SLCO1C1: variants seen among roughly 807,000 people sequenced by gnomAD.
SLCO1C1 encodes the protein OAT-RP-5.
SLCO1C1 carries 70 observed loss-of-function variants against 76.4 expected under a neutral mutation model. The ratio of observed to expected loss-of-function variants is 0.92; its 90% confidence interval spans 0.76 to 1.12. The LOEUF (loss-of-function observed/expected upper bound fraction) is 1.12. Ranked by LOEUF, SLCO1C1 falls within the 50% of genes most tolerant of loss-of-function variation. The pLI, the probability that SLCO1C1 is intolerant of heterozygous loss-of-function variation, is 0.00. For missense variants in SLCO1C1, 912 were observed against 823.8 expected (o/e 1.11, Z -1.31); for synonymous variants, 306 against 286.1 (o/e 1.07, Z -0.70).
intron 9 of SLCO1C1, among the ~76,000 whole-genome samples, chr12:20,727,092 T>C (rs896406281): frequency 1.3e-5 from 2 of 152,220 alleles, no homozygotes; most frequent in Non-Finnish European, 2.9e-5. Flanking sequence ...ACCACTTCTT[T>C]ATTCAATCCA....
Position 20,753,056 on chromosome 12 carries a change from T to C in SLCO1C1, c.*528T>C, listed in dbSNP as rs10444412. ...ATTTCATTTTAAGCTCCTCCTTTTC[T>C]TTGAAATACAATAATTTATATAGAA... On this transcript the variant is annotated 3_prime_UTR_variant, in exon 15 of 15. Coordinates refer to ENST00000266509, the MANE Select transcript of SLCO1C1 (RefSeq NM_017435.5). 0.45 allele frequency: 69,113 copies of C among 152,018 alleles called. 17,223 individuals are homozygous for C. Among genetic ancestry groups the C allele is most frequent in the East Asian group, 0.6 (3,084 of 5,154 alleles). The allele number at this position is 152,018 out of a possible 1,614,324, so 9.4% of individuals were successfully genotyped here.
intron 11 of SLCO1C1, among the ~76,000 whole-genome samples, chr12:20,738,424 T>G (rs1409076063): frequency 2.0e-5 from 3 of 152,152 alleles, no homozygotes; most frequent in Non-Finnish European, 2.9e-5. Flanking sequence ...TCTCATTTAT[T>G]TATATATCCT....
In SLCO1C1 at chr12:20,720,387, C is replaced by T. The variant is rs548753595; in HGVS notation, c.776-1417C>T. Among the ~76,000 whole-genome samples, 8 of 152,250 alleles carry T rather than the reference C, an allele frequency of 5.3e-5. No individual in the cohort carries two copies. The East Asian group carries it at 1.2e-3, about 22-fold the overall frequency. On this transcript the variant is annotated intron_variant, in intron 7 of 14. Transcript: ENST00000266509. ...GTCTTATTATTTAAGAAACGTATTTCACAAAGCTATAGCTATGATCAGTAG... is the reference window on the plus strand; with the variant it reads ...GTCTTATTATTTAAGAAACGTATTTTACAAAGCTATAGCTATGATCAGTAG...
intron 4 of SLCO1C1, among the ~76,000 whole-genome samples, chr12:20,708,240 T>C (rs1358281321): frequency 1.3e-5 from 2 of 152,178 alleles, no homozygotes; most frequent in Non-Finnish European, 2.9e-5. Context: ...TGAGGGCCTA[T>C]TCCTAATAGG....
chr12:20,701,418 C>A lies in SLCO1C1; in HGVS notation c.230C>A (p.Pro77His). ...ITQIERRFDI[P>H]SSLVGVIDGS... ...CAGATAGAGAGAAGGTTTGATATCC[C>A]TTCTTCACTGGTGGGAGTTATTGAT... Residue 77 changes from proline (P) to histidine (H), a missense_variant, in exon 3 of 15, where the codon CCT becomes CAT. Pro to His is a moderately conservative substitution (Grantham distance 77). Coordinates refer to ENST00000266509, the MANE Select transcript of SLCO1C1 (RefSeq NM_017435.5). 1 of 1,550,130 alleles carries A rather than the reference C, an allele frequency of 6.5e-7. No homozygotes were observed. Among genetic ancestry groups the A allele is most frequent in the South Asian group, 1.2e-5 (1 of 83,804 alleles).
At chr12:20,714,029 G>A (rs1947255789) in intron 5 of SLCO1C1, among the ~76,000 whole-genome samples, 1 of 152,174 alleles carries the variant, frequency 6.6e-6, no homozygotes. Flanking sequence ...GAAATCCAGA[G>A]AAGACAAGTG....
chr12:20,721,895 T>C lies in SLCO1C1; in HGVS notation c.867T>C (p.Ala289=). ...CAGGAATCATAAGTCTTCTTGCAGC[T>C]GTGCCTTTCTGGTATTTACCAAAGA... The part of the protein sequence containing the change: ...LIAGIISLLA[A]VPFWYLPKSL... The change falls in exon 8 of 15, where the codon GCT becomes GCC. Residue 289 remains alanine, a synonymous_variant. Transcript: ENST00000266509. The C allele has an allele frequency of 1.2e-6, 2 of 1,614,200 alleles. No individual in the cohort carries two copies. The highest frequency in any genetic ancestry group is 1.7e-6 in the Non-Finnish European group (2 of 1,180,022).
At chr12:20,739,983 T>C (rs562748009) in intron 11 of SLCO1C1, among the ~76,000 whole-genome samples, 1 of 152,300 alleles carries the variant, frequency 6.6e-6, no homozygotes, top group Admixed American at 6.5e-5. Flanking sequence ...AGTTTGTAGA[T>C]AGTCATCTGC....
chr12:20,745,188 A>G (rs1554151), intron 13 of SLCO1C1, among the ~76,000 whole-genome samples: 66,273 of 152,090 alleles, frequency 0.44, 17,178 homozygotes, highest in South Asian at 0.63. Flanking sequence ...GGATGGAAGT[A>G]AGACTTTGTA....
In SLCO1C1 at chr12:20,701,308, T is replaced by C. The variant is rs377554508; in HGVS notation, c.130-10T>C. On this transcript the variant is annotated splice_polypyrimidine_tract_variant and intron_variant, in intron 2 of 14. Transcript: ENST00000266509. ...GAGTCAGACTAAGTGTGACCTGTCA[T>C]ATTTTCCAGGTGTTCTTGTGTGCCT... The C allele has an allele frequency of 2.0e-6, 3 of 1,490,300 alleles. No homozygotes were observed. The African/African-American group carries it at 4.2e-5, about 21-fold the overall frequency. 92.3% of individuals were successfully genotyped at this position (1,490,300 alleles called of 1,614,324 possible). A position where few individuals can be genotyped will look rare whatever the true frequency, so the allele number is the denominator to read the frequency against.
chr12:20,713,208 T>G (rs1391657158), intron 5 of SLCO1C1, among the ~76,000 whole-genome samples: 3 of 150,944 alleles, frequency 2.0e-5, no homozygotes, highest in Non-Finnish European at 4.4e-5. Context: ...GCCTCCCGAG[T>G]AGCTGGGACT....
At chr12:20,709,302 A>G (rs1393199187) in intron 4 of SLCO1C1, among the ~76,000 whole-genome samples, 5 of 152,182 alleles carry the variant, frequency 3.3e-5, no homozygotes, top group Non-Finnish European at 5.9e-5. Flanking sequence ...CCTAAACGTT[A>G]ATTTTTTTAG....
chr12:20,712,944 T>C (rs981752779), intron 5 of SLCO1C1, among the ~76,000 whole-genome samples: 1 of 152,146 alleles, frequency 6.6e-6, no homozygotes, highest in Non-Finnish European at 1.5e-5. Flanking sequence ...TTCAAATCAA[T>C]GGACAAGAAC....
chr12:20,721,298 C>T (rs73242259), intron 7 of SLCO1C1, among the ~76,000 whole-genome samples: 4,171 of 152,216 alleles, frequency 0.027, 125 homozygotes, highest in African/African-American at 0.074. Context: ...TGGCAAGCTT[C>T]ATCATTTTCT....
At chr12:20,750,908 C>G in intron 14 of SLCO1C1, 116 bp downstream of exon 14, 2 of 1,592,394 alleles carry the variant, frequency 1.3e-6, no homozygotes, top group South Asian at 1.1e-5. Flanking sequence ...AAAGAATAGT[C>G]TAATCAAAAA....
At position 20,732,971 on chromosome 12, in the gene SLCO1C1, T is replaced by A. The variant is rs749344842; in HGVS notation, c.1249T>A (p.Phe417Ile). ...IFSGGIVMKK[F>I]RISVCGAAKL... ...CTCTGGGGGGATAGTTATGAAAAAA[T>A]TCAGAATCAGTGTGTGTGGAGCTGC... The change falls in exon 10 of 15, where the codon TTC (phenylalanine) becomes ATC (isoleucine). Residue 417 changes from phenylalanine (F) to isoleucine (I), a missense_variant. Phe to Ile is a conservative substitution (Grantham distance 21). Coordinates refer to ENST00000266509, the MANE Select transcript of SLCO1C1 (RefSeq NM_017435.5). 7.4e-6 allele frequency: 12 copies of A among 1,614,020 alleles called. No individual in the cohort carries two copies. The highest frequency in any genetic ancestry group is 1.7e-4 in the Middle Eastern group (1 of 6,060).
chr12:20,703,948 A>AGTGTGT (rs1454879675), intron 3 of SLCO1C1, among the ~76,000 whole-genome samples: 9 of 102,036 alleles, frequency 8.8e-5, no homozygotes, highest in African/African-American at 3.5e-4. Context: ...TGTTATCTCG[A>AGTGTGT]GTGTGTCTGT....
intron 9 of SLCO1C1, among the ~76,000 whole-genome samples, chr12:20,728,661 A>C (rs1483308817): frequency 6.6e-6 from 1 of 151,922 alleles, no homozygotes; most frequent in African/African-American, 2.4e-5. Flanking sequence ...AAGTTCTAAA[A>C]CATCTCCAAG....
In SLCO1C1 at chr12:20,710,223, T is replaced by TTTTTTTTTTTTTTTC. The variant is rs1555122286; in HGVS notation, c.405-1161_405-1160insTTTTTTTTTTTTCTT. Reference sequence around the variant, plus strand: ...TTCTTTTTTTTTTTTTTTTTTTTTTTTTGAGATGGAGTCTCGCTCTGTCGC... The same window carrying TTTTTTTTTTTTTTTC: ...TTCTTTTTTTTTTTTTTTTTTTTTTTTTTTTTTTTTTTTTCTTGAGATGGAGTCTCGCTCTGTCGC... On this transcript the variant is annotated intron_variant, in intron 4 of 14. Coordinates refer to ENST00000266509, the MANE Select transcript of SLCO1C1 (RefSeq NM_017435.5). Among the ~76,000 whole-genome samples, 2 of 133,774 alleles carry TTTTTTTTTTTTTTTC rather than the reference T, an allele frequency of 1.5e-5. 1 individual carries two copies. The highest frequency in any genetic ancestry group is 3.2e-5 in the Non-Finnish European group (2 of 62,720). 87.8% of individuals were successfully genotyped at this position (133,774 alleles called of 152,430 possible).
Sources: allele counts gnomAD v4.1 joint callset (sites outside exome capture counted in the v4.1 genomes callset), GRCh38; gene constraint gnomAD v4.1.1; transcripts MANE v1.5; gene names NCBI Gene and HGNC (gene_info 2026-07-23, HGNC 2026-07-21).